Variants in HCN4 observed in about 807,000 individuals in gnomAD.
The protein encoded by HCN4 is potassium/sodium hyperpolarization-activated cyclic nucleotide-gated channel 4.
Under a neutral mutation model 76.9 loss-of-function variants are expected in HCN4, and 29 were observed. That is an observed-to-expected ratio of 0.38 (90% CI 0.28 to 0.51). The LOEUF (loss-of-function observed/expected upper bound fraction) is 0.51, where lower values mean the gene tolerates loss of function less well. HCN4 is among the 20% of genes least tolerant of loss of function. The pLI, the probability that HCN4 is intolerant of heterozygous loss-of-function variation, is 0.90. For synonymous variants in HCN4, 772 were observed against 762.5 expected, an observed-to-expected ratio of 1.01 and a Z score of -0.21; for missense variants, 1,416 against 1,715.2, an observed-to-expected ratio of 0.83 and a Z score of 3.08.
chr15:73,358,043 C>G (rs1245089809), intron 1 of HCN4, among the ~76,000 whole-genome samples: 1 of 152,136 alleles, frequency 6.6e-6, no homozygotes, highest in East Asian at 1.9e-4. Context: ...CATACTGAGG[C>G]CCGACCCTGG....
At chr15:73,344,679 C>T (rs1165110235) in intron 1 of HCN4, among the ~76,000 whole-genome samples, 1 of 152,164 alleles carries the variant, frequency 6.6e-6, no homozygotes, top group Non-Finnish European at 1.5e-5. Flanking sequence ...ACCTTCAAGT[C>T]GTTTGTAGAG....
rs2151228629 is a variant in HCN4, at chr15:73,367,997, C to T, written c.274G>A (p.Asp92Asn). Residue 92 changes from aspartate to asparagine, a missense_variant, in exon 1 of 8, where the codon GAC (aspartate) becomes AAC (asparagine). This residue lies in a region of HCN4 where 355 missense variants were observed against 347.8 expected (regional missense o/e 1.02). Coordinates refer to ENST00000261917, the MANE Select transcript of HCN4 (RefSeq NM_005477.3). This position sits in a 1 kb window ranked among gnomAD's most constrained non-coding sequence, Gnocchi z 7.5. The stretch of plus-strand genomic sequence containing the variant: ...AGGCTCCCGCGGAAGCGCCTGCAGT[C>T]GCCGTTCGTGCTGGACTTGCCCGCG... ...RGAGKSSTNG[D>N]CRRFRGSLAS... 1 of 1,367,552 alleles carries T rather than the reference C, an allele frequency of 7.3e-7. No homozygotes were observed. Among genetic ancestry groups the T allele is most frequent in the Non-Finnish European group, 9.4e-7 (1 of 1,066,992 alleles). The allele number at this position is 1,367,552 out of a possible 1,614,324, so 84.7% of individuals were successfully genotyped here. A position where few individuals can be genotyped will look rare whatever the true frequency, so the allele number is the denominator to read the frequency against.
chr15:73,322,211 C>G lies in HCN4; in HGVS notation c.*270G>C, dbSNP rs1271974822. 7 of 393,290 alleles carry G rather than the reference C, an allele frequency of 1.8e-5. No homozygotes were observed. Among genetic ancestry groups the G allele is most frequent in the African/African-American group, 2.1e-5 (1 of 48,088 alleles). The allele number at this position is 393,290 out of a possible 1,614,324, so 24.4% of individuals were successfully genotyped here. A position where few individuals can be genotyped will look rare whatever the true frequency, so the allele number is the denominator to read the frequency against. ...CCCCGGAGACCCCATCTGCCTTTCT[C>G]TGGCTTTTGCATTTGGGACCTGCCT... On this transcript the variant is annotated 3_prime_UTR_variant, in exon 8 of 8. Transcript: ENST00000261917.
chr15:73,322,429 G>A lies in HCN4; in HGVS notation c.*52C>T. On this transcript the variant is annotated 3_prime_UTR_variant, in exon 8 of 8. Coordinates refer to ENST00000261917, the MANE Select transcript of HCN4 (RefSeq NM_005477.3). ...TCTCCTAATCACAGTTAAACCTGAA[G>A]GAAGAAGGAAGGGAGAGAAAAGAAG... is the stretch of plus-strand genomic sequence containing the variant. The A allele has an allele frequency of 7.1e-7, 1 of 1,402,026 alleles. No individual in the cohort carries two copies. The highest frequency in any genetic ancestry group is 1.2e-5 in the South Asian group (1 of 80,868). The allele number at this position is 1,402,026 out of a possible 1,614,324, so 86.8% of individuals were successfully genotyped here.
At chr15:73,341,068 A>AGGGGGG (rs914132898) in intron 2 of HCN4, 1 of 85,304 alleles carries the variant, frequency 1.2e-5, no homozygotes, top group African/African-American at 5.0e-5. Flanking sequence ...GGAGGGAGGT[A>AGGGGGG]GGTGTGTGTG....
chr15:73,322,451 GAAGA>G lies in HCN4; in HGVS notation c.*26_*29del, dbSNP rs2042865124. The G allele has an allele frequency of 3.9e-6, 6 of 1,521,404 alleles. No individual in the cohort carries two copies. Among genetic ancestry groups the G allele is most frequent in the African/African-American group, 2.7e-5 (2 of 72,818 alleles). 94.2% of individuals were successfully genotyped at this position (1,521,404 alleles called of 1,614,324 possible). On this transcript the variant is annotated 3_prime_UTR_variant, in exon 8 of 8. Transcript: ENST00000261917. ...GAAGGAAGAAGGAAGGGAGAGAAAA[GAAGA>G]AAGAAGAGGGAAGGAAGGGCCCAGC...
At chr15:73,329,902 G>T in intron 3 of HCN4, 111 bp from the exon 4 acceptor site, 1 of 879,118 alleles carries the variant, frequency 1.1e-6, no homozygotes. Context: ...CAGTGGCTGG[G>T]CCCAGGGCTC....
At chr15:73,356,624 A>G (rs1013316829) in intron 1 of HCN4, among the ~76,000 whole-genome samples, 3 of 151,888 alleles carry the variant, frequency 2.0e-5, no homozygotes, top group Non-Finnish European at 4.4e-5. Context: ...GCAAGGGTCT[A>G]CACCACCCCT....
chr15:73,325,573 G>C lies in HCN4; in HGVS notation c.1591-129C>G, dbSNP rs995107112. 7.8e-6 allele frequency: 7 copies of C among 902,206 alleles called. No individual in the cohort carries two copies. The highest frequency in any genetic ancestry group is 1.6e-5 in the African/African-American group (1 of 61,326). The allele number at this position is 902,206 out of a possible 1,614,324, so 55.9% of individuals were successfully genotyped here. A position where few individuals can be genotyped will look rare whatever the true frequency, so the allele number is the denominator to read the frequency against. On this transcript the variant is annotated intron_variant, in intron 4 of 7. Transcript: ENST00000261917. The surrounding 1 kb of genome is among the most constrained non-coding windows in gnomAD (Gnocchi z 7.4). ...ATTTCCTGGCTAAACTTGGTTCCTT[G>C]AGATCTGAGGTCTACAGTGTGGAAA...
rs745819208 is a variant in HCN4 at position 73,323,443 on chromosome 15, G to T, written c.2650C>A (p.Pro884Thr). 2 of 1,609,300 alleles carry T rather than the reference G, an allele frequency of 1.2e-6. No homozygotes were observed. Among genetic ancestry groups the T allele is most frequent in the African/African-American group, 1.3e-5 (1 of 74,904 alleles). ...LLPSSSSSPP[P>T]GACGSPSAPT... is the part of the protein sequence containing the mutation. Reference sequence around the variant, plus strand: ...GCCGAGGGGGAGCCACAGGCCCCGGGGGGTGGGGAGGAGCTGGATGAGGGC... The same window carrying T: ...GCCGAGGGGGAGCCACAGGCCCCGGTGGGTGGGGAGGAGCTGGATGAGGGC... Residue 884 changes from proline to threonine, a missense_variant, in exon 8 of 8, where the codon CCC becomes ACC. Physicochemically the swap from Pro to Thr is conservative, Grantham distance 38. Coordinates refer to ENST00000261917, the MANE Select transcript of HCN4 (RefSeq NM_005477.3).
intron 1 of HCN4, among the ~76,000 whole-genome samples, chr15:73,362,558 G>A (rs564882869): frequency 2.6e-5 from 4 of 152,334 alleles, no homozygotes; most frequent in East Asian, 1.9e-4. Flanking sequence ...ACAGAGCTCC[G>A]TCCAAATGCC....
At position 73,356,047 on chromosome 15, in the gene HCN4, G is replaced by A. The variant is rs570644492; in HGVS notation, c.785+11439C>T. 1.4e-4 allele frequency among the ~76,000 whole-genome samples: 22 copies of A among 152,258 alleles called. No individual in the cohort carries two copies. The South Asian group carries it at 4.4e-3, about 30-fold the overall frequency. On this transcript the variant is annotated intron_variant, in intron 1 of 7. Transcript: ENST00000261917. ...ATAGAACATTGTTGTGGAGTAGCAC[G>A]GGAGCACACCCTCTGGGGAAATTAG...
intron 1 of HCN4, among the ~76,000 whole-genome samples, chr15:73,366,860 C>T (rs538688752): frequency 5.3e-5 from 8 of 152,346 alleles, no homozygotes; most frequent in Non-Finnish European, 1.0e-4. Context: ...TTCAGCCCTG[C>T]CGCTCTGGAT....
chr15:73,356,374 CTTTTT>C (rs71137342), intron 1 of HCN4, among the ~76,000 whole-genome samples: 1 of 118,180 alleles, frequency 8.5e-6, no homozygotes, highest in African/African-American at 3.2e-5. Flanking sequence ...CTTTTCTTTT[CTTTTT>C]TTTTTTTTTT....
At chr15:73,340,433 G>C (rs1233256893) in intron 2 of HCN4, among the ~76,000 whole-genome samples, 1 of 152,186 alleles carries the variant, frequency 6.6e-6, no homozygotes, top group Non-Finnish European at 1.5e-5. Context: ...CAGAAGGTTG[G>C]GGGTTTCTCA....
intron 1 of HCN4, among the ~76,000 whole-genome samples, chr15:73,348,431 T>C (rs2043038752): frequency 1.3e-5 from 2 of 152,246 alleles, no homozygotes; most frequent in Non-Finnish European, 2.9e-5. Context: ...CACACCCACA[T>C]GCAATACCAT....
At chr15:73,339,743 G>A (rs2042988643) in intron 2 of HCN4, among the ~76,000 whole-genome samples, 1 of 152,182 alleles carries the variant, frequency 6.6e-6, no homozygotes, top group Admixed American at 6.5e-5. Context: ...GTGGACCTAG[G>A]GCTCCAAAGG....
chr15:73,361,487 G>A (rs1055395751), intron 1 of HCN4, among the ~76,000 whole-genome samples: 4 of 152,362 alleles, frequency 2.6e-5, no homozygotes, highest in African/African-American at 4.8e-5. Flanking sequence ...CTGTCTGGCC[G>A]GCCTCAGTAG....
At chr15:73,338,429 A>C (rs893250691) in intron 2 of HCN4, among the ~76,000 whole-genome samples, 1 of 152,228 alleles carries the variant, frequency 6.6e-6, no homozygotes, top group African/African-American at 2.4e-5. Context: ...TCTCAACTGC[A>C]GTGCAAGGAC....
Sources: allele counts gnomAD v4.1 joint callset (sites outside exome capture counted in the v4.1 genomes callset), GRCh38; gene constraint gnomAD v4.1.1; regional missense constraint gnomAD v4.1.1; non-coding constraint Gnocchi (gnomAD v3.1); transcripts MANE v1.5; gene names NCBI Gene and HGNC (gene_info 2026-07-23, HGNC 2026-07-21).